Variants in HVCN1 observed in about 807,000 individuals in gnomAD.
The protein encoded by HVCN1 is voltage-gated hydrogen channel 1.
A neutral mutation model predicts 29.2 loss-of-function variants in HVCN1; 14 were observed. The ratio of observed to expected loss-of-function variants is 0.48; its 90% confidence interval spans 0.32 to 0.75. The LOEUF is 0.75. Ranked by LOEUF, HVCN1 falls within the 30% of genes least tolerant of loss-of-function variation. The probability of loss-of-function intolerance (pLI) is 0.04; values close to 1 mark genes in which losing one functional copy is unlikely to be tolerated. For missense variants in HVCN1, 263 were observed against 341.8 expected (o/e 0.77, Z 1.82); for synonymous variants, 131 against 133.2 (o/e 0.98, Z 0.11).
rs1379670827 is a variant in HVCN1, at chr12:110,661,486, T to C, written c.22-38A>G. The C allele has an allele frequency of 3.8e-6, 6 of 1,599,182 alleles. No homozygotes were observed. Among genetic ancestry groups the C allele is most frequent in the Non-Finnish European group, 5.1e-6 (6 of 1,171,170 alleles). On this transcript the variant is annotated intron_variant, in intron 3 of 7. Coordinates refer to ENST00000242607, the MANE Select transcript of HVCN1 (RefSeq NM_032369.4). This position sits in a 1 kb window ranked among gnomAD's most constrained non-coding sequence, Gnocchi z 6.2. ...GACAGAGAGCAAGAGCTTCAGGCAG[T>C]TGGCCACTCAGAGCCCACATGGCCC...
upstream of HVCN1, among the ~76,000 whole-genome samples, chr12:110,692,648 C>A (rs890244371): frequency 6.6e-6 from 1 of 152,070 alleles, no homozygotes; most frequent in Non-Finnish European, 1.5e-5. Flanking sequence ...CCCTTGAGCC[C>A]AGGAGTTCGA....
intron 3 of HVCN1, among the ~76,000 whole-genome samples, chr12:110,672,192 C>T (rs1200655737): frequency 6.6e-6 from 1 of 152,048 alleles, no homozygotes; most frequent in African/African-American, 2.4e-5. Context: ...GGAGTGCAGC[C>T]GCAAACTCCT....
chr12:110,704,635 G>A (rs2136519355), intron 1 of HVCN1, among the ~76,000 whole-genome samples: 1 of 152,298 alleles, frequency 6.6e-6, no homozygotes, highest in Admixed American at 6.5e-5. Flanking sequence ...TATAGCCTGG[G>A]CATCAGAGTG....
At chr12:110,677,256 A>G (rs1034150131) in intron 3 of HVCN1, among the ~76,000 whole-genome samples, 6 of 150,382 alleles carry the variant, frequency 4.0e-5, no homozygotes, top group Non-Finnish European at 7.4e-5. Flanking sequence ...CCTGTTTTGC[A>G]CGCTCTATCT....
At chr12:110,680,098 A>G (rs1241838480) in intron 3 of HVCN1, among the ~76,000 whole-genome samples, 1 of 152,154 alleles carries the variant, frequency 6.6e-6, no homozygotes, top group African/African-American at 2.4e-5. Flanking sequence ...CCAAAACACA[A>G]TTAATTCCAT....
chr12:110,667,653 A>G (rs1037861423), intron 3 of HVCN1, among the ~76,000 whole-genome samples: 4 of 151,914 alleles, frequency 2.6e-5, no homozygotes, highest in African/African-American at 9.7e-5. Flanking sequence ...GCTGGTCTCA[A>G]ACTCCTGGGC....
At chr12:110,700,171 A>T (rs1303085984) in intron 2 of HVCN1, among the ~76,000 whole-genome samples, 1 of 152,242 alleles carries the variant, frequency 6.6e-6, no homozygotes, top group African/African-American at 2.4e-5. Context: ...AGGGCACCAC[A>T]TGCTAAGCTA....
At chr12:110,684,598 C>G (rs958044669) in intron 2 of HVCN1, among the ~76,000 whole-genome samples, 1 of 151,880 alleles carries the variant, frequency 6.6e-6, no homozygotes, top group East Asian at 1.9e-4. Context: ...AATACAGATG[C>G]TTTTTTTTGG....
At chr12:110,650,079 A>C in intron 7 of HVCN1, 89 bp downstream of exon 7, 1 of 805,852 alleles carries the variant, frequency 1.2e-6, no homozygotes, top group Non-Finnish European at 2.2e-6. Context: ...TCCGGACCTC[A>C]GGTGCTCCAC....
chr12:110,681,264 CAT>C (rs2068959784), intron 3 of HVCN1, among the ~76,000 whole-genome samples: 1 of 152,162 alleles, frequency 6.6e-6, no homozygotes, highest in African/African-American at 2.4e-5. Flanking sequence ...AGTGTTGTCT[CAT>C]GTGCTAAGAA....
rs1156783268 is a variant in HVCN1 at position 110,676,975 on chromosome 12, G to A, written c.21+6250C>T. On this transcript the variant is annotated intron_variant, in intron 3 of 7. Transcript: ENST00000242607. This position sits in a 1 kb window ranked among gnomAD's most constrained non-coding sequence, Gnocchi z 4.1. ...TGTAATCCCAGCACTTTGGGAGGCTGAGGGGGATCACTGAGTTCAGGAGTT... is the reference window on the plus strand; with the variant it reads ...TGTAATCCCAGCACTTTGGGAGGCTAAGGGGGATCACTGAGTTCAGGAGTT... Among the ~76,000 whole-genome samples, 2 of 152,072 alleles carry A rather than the reference G, an allele frequency of 1.3e-5. No homozygotes were observed. The highest frequency in any genetic ancestry group is 3.9e-4 in the East Asian group (2 of 5,180).
Position 110,658,538 on chromosome 12 carries a change from A to C in HVCN1, c.306+2626T>G, listed in dbSNP as rs1209110475. Among the ~76,000 whole-genome samples the C allele has an allele frequency of 2.6e-5, 4 of 152,052 alleles. No individual in the cohort carries two copies. The highest frequency in any genetic ancestry group is 9.7e-5 in the African/African-American group (4 of 41,382). On this transcript the variant is annotated intron_variant, in intron 4 of 7. Transcript: ENST00000242607. The surrounding 1 kb of genome is among the most constrained non-coding windows in gnomAD (Gnocchi z 5.0). ...CAATGCTGCAGGTCCTTGGCAAACG[A>C]AGCCCCTCTACCTGGAAGCCTCCCA...
At chr12:110,694,235 A>T (rs1289810081), upstream of HVCN1, among the ~76,000 whole-genome samples, 1 of 151,872 alleles carries the variant, frequency 6.6e-6, no homozygotes, top group Admixed American at 6.6e-5. The surrounding 1 kb of genome is among the most constrained non-coding windows in gnomAD (Gnocchi z 4.6). Context: ...GCTAATTTTT[A>T]TTTTTTTGTG....
chr12:110,656,215 T>C (rs1304239470), intron 4 of HVCN1, among the ~76,000 whole-genome samples: 1 of 152,126 alleles, frequency 6.6e-6, no homozygotes, highest in East Asian at 1.9e-4. Context: ...CTGCCCCAGC[T>C]CTCGTGTGCT....
chr12:110,662,797 A>C (rs189012878), intron 3 of HVCN1, among the ~76,000 whole-genome samples: 57 of 152,312 alleles, frequency 3.7e-4, no homozygotes, highest in South Asian at 8.3e-4. Flanking sequence ...CTGCCCCCCC[A>C]CACACACCCT....
chr12:110,667,461 C>T (rs575697557), intron 3 of HVCN1, among the ~76,000 whole-genome samples: 16 of 151,770 alleles, frequency 1.1e-4, no homozygotes, highest in South Asian at 4.2e-4. Flanking sequence ...GATAGGGTCT[C>T]GCTCTGTCAC....
chr12:110,700,589 ATCTC>A (rs754758692), intron 2 of HVCN1, among the ~76,000 whole-genome samples: 4 of 151,602 alleles, frequency 2.6e-5, no homozygotes, highest in South Asian at 4.2e-4. Context: ...GAATATTTCG[ATCTC>A]TCTCTCTCTT....
upstream of HVCN1, among the ~76,000 whole-genome samples, chr12:110,691,899 A>G (rs146955418): frequency 5.9e-5 from 9 of 152,296 alleles, no homozygotes; most frequent in African/African-American, 7.2e-5. Flanking sequence ...ACCTGGGGCC[A>G]CCAGCAGGGA....
At chr12:110,695,637 C>G (rs1424440856) in intron 2 of HVCN1, among the ~76,000 whole-genome samples, 2 of 152,190 alleles carry the variant, frequency 1.3e-5, no homozygotes, top group African/African-American at 4.8e-5. Flanking sequence ...TGCAGATCCA[C>G]TGAGGCAGGA....
Sources: allele counts gnomAD v4.1 joint callset (sites outside exome capture counted in the v4.1 genomes callset), GRCh38; gene constraint gnomAD v4.1.1; non-coding constraint Gnocchi (gnomAD v3.1); transcripts MANE v1.5; gene names NCBI Gene and HGNC (gene_info 2026-07-23, HGNC 2026-07-21).